The following C12orf56 variants were observed in gnomAD, a reference collection of about 807,000 sequenced individuals.
C12orf56 encodes uncharacterized protein C12orf56.
C12orf56 carries 71 observed loss-of-function variants against 69.9 expected under a neutral mutation model. That is an observed-to-expected ratio of 1.02 (90% CI 0.84 to 1.24). The LOEUF (loss-of-function observed/expected upper bound fraction) is 1.24, where lower values mean the gene tolerates loss of function less well. Ranked by LOEUF, C12orf56 falls within the 50% of genes most tolerant of loss-of-function variation. The pLI, the probability that C12orf56 is intolerant of heterozygous loss-of-function variation, is 0.00. For synonymous variants in C12orf56, 276 were observed against 274.1 expected, an observed-to-expected ratio of 1.01 and a Z score of -0.07; for missense variants, 732 against 738.5, an observed-to-expected ratio of 0.99 and a Z score of 0.10.
chr12:64,352,973 C>CA lies in C12orf56; in HGVS notation c.335dup (p.Leu112PhefsTer6). On this transcript the variant is annotated frameshift_variant, in exon 2 of 13. Transcript: ENST00000543942. LOFTEE classifies it high-confidence loss of function. ...TGTTTGACTTTTTACACTCTTTTTT[C>CA]AAAACGGTTGAAGAATAGATGATAC... 1 of 1,611,190 alleles carries CA rather than the reference C, an allele frequency of 6.2e-7. No homozygotes were observed. The highest frequency in any genetic ancestry group is 8.5e-7 in the Non-Finnish European group (1 of 1,179,088).
In C12orf56 at chr12:64,293,151, AG is replaced by A. The variant is rs1048613620; in HGVS notation, c.1114-7092del. On this transcript the variant is annotated intron_variant, in intron 6 of 12. Transcript: ENST00000543942. ...CGTCACCCCTTTCTTTGACTCGGAA[AG>A]GGAACTCCCTGACCCCTCGCGCTTC... 4.7e-4 allele frequency: 71 copies of A among 152,478 alleles called. 1 individual carries two copies. Among genetic ancestry groups the A allele is most frequent in the African/African-American group, 1.7e-3 (70 of 41,582 alleles). 9.4% of individuals were successfully genotyped at this position (152,478 alleles called of 1,614,324 possible).
At chr12:64,328,399 G>C (rs2038871643) in intron 3 of C12orf56, among the ~76,000 whole-genome samples, 1 of 151,818 alleles carries the variant, frequency 6.6e-6, no homozygotes. Flanking sequence ...ATCACACTTT[G>C]GCCAGGCACA....
intron 3 of C12orf56, 147 bp from the exon 4 acceptor site, chr12:64,319,127 A>G: frequency 1.4e-6 from 1 of 705,340 alleles, no homozygotes; most frequent in South Asian, 2.8e-5. Flanking sequence ...CTCGCTGGTA[A>G]TAACCCATTG....
intron 3 of C12orf56, among the ~76,000 whole-genome samples, chr12:64,327,844 A>G (rs1244289711): frequency 6.6e-6 from 1 of 152,228 alleles, no homozygotes; most frequent in Non-Finnish European, 1.5e-5. Flanking sequence ...TCTGACAGGA[A>G]CACATGAACT....
At chr12:64,383,737 T>A (rs968300597) in intron 1 of C12orf56, among the ~76,000 whole-genome samples, 1 of 151,544 alleles carries the variant, frequency 6.6e-6, no homozygotes, top group African/African-American at 2.4e-5. Context: ...AAAAAAAAAA[T>A]GATTAAAAAA....
chr12:64,345,785 T>TTA (rs1448382759), intron 2 of C12orf56, among the ~76,000 whole-genome samples: 7 of 152,246 alleles, frequency 4.6e-5, no homozygotes, highest in Non-Finnish European at 7.3e-5. Context: ...ACAAGCTTCA[T>TTA]TATGTTCCTT....
At chr12:64,321,440 G>A (rs1397493832) in intron 3 of C12orf56, among the ~76,000 whole-genome samples, 2 of 152,050 alleles carry the variant, frequency 1.3e-5, no homozygotes, top group Non-Finnish European at 2.9e-5. Flanking sequence ...CTCCCAAATT[G>A]CTGGGGTTAC....
Position 64,267,254 on chromosome 12 carries a change from G to T in C12orf56, c.1798C>A (p.Leu600Ile), listed in dbSNP as rs1158536296. ...TGAGTGATGGGGTAACACAATGGGAGCCTTTTCTGCAAGGCTGGCATGTGA... is the reference window on the plus strand; with the variant it reads ...TGAGTGATGGGGTAACACAATGGGATCCTTTTCTGCAAGGCTGGCATGTGA... ...FIHMPALQKR[L>I]PLCYPITQPT... Residue 600 changes from leucine to isoleucine, a missense_variant, in exon 13 of 13, where the codon CTC (leucine) becomes ATC (isoleucine). Transcript: ENST00000543942. The T allele has an allele frequency of 6.2e-7, 1 of 1,611,966 alleles. No individual in the cohort carries two copies. Among genetic ancestry groups the T allele is most frequent in the African/African-American group, 1.3e-5 (1 of 74,890 alleles).
intron 1 of C12orf56, among the ~76,000 whole-genome samples, chr12:64,358,482 A>AATAATCATCATCATCATCATC (rs11275269): frequency 0.18 from 22,165 of 124,882 alleles, 2,528 homozygotes; most frequent in Non-Finnish European, 0.24. Flanking sequence ...TAATAATAAT[A>AATAATCATCATCATCATCATC]ATCATCATCA....
At chr12:64,295,361 T>C (rs1228826163) in intron 6 of C12orf56, among the ~76,000 whole-genome samples, 38 of 152,114 alleles carry the variant, frequency 2.5e-4, no homozygotes, top group Admixed American at 2.5e-3. Flanking sequence ...GTTTAGTCAA[T>C]CTATGAAAAA....
At chr12:64,352,853 T>A (rs1261774709) in intron 2 of C12orf56, 41 bp downstream of exon 2, 1 of 1,518,590 alleles carries the variant, frequency 6.6e-7, no homozygotes, top group Non-Finnish European at 8.8e-7. Context: ...TATATACTTT[T>A]TTTTTTGCCT....
chr12:64,349,336 CA>C (rs2135947031), intron 2 of C12orf56, among the ~76,000 whole-genome samples: 1 of 152,244 alleles, frequency 6.6e-6, no homozygotes, highest in South Asian at 2.1e-4. Context: ...TTTACTTCTG[CA>C]AGAATGGCCA....
chr12:64,367,180 T>TTA (rs202112801), intron 1 of C12orf56, among the ~76,000 whole-genome samples: 4,556 of 6,478 alleles, frequency 0.7, 1,977 homozygotes, highest in Non-Finnish European at 0.81. Context: ...AGTTTATATA[T>TTA]TATATAACAT....
chr12:64,281,041 C>T (rs978710291), intron 8 of C12orf56, among the ~76,000 whole-genome samples: 5 of 150,376 alleles, frequency 3.3e-5, no homozygotes, highest in African/African-American at 7.4e-5. Context: ...GGGAGGCCGA[C>T]GGGGGGTGGA....
chr12:64,361,889 C>T lies in C12orf56; in HGVS notation c.253-8833G>A, dbSNP rs547084713. ...CTGGGATTACAGGCATGCGCCACCACGCCCAGCTAATTTTGTATTTTTAAT... is the reference window on the plus strand; with the variant it reads ...CTGGGATTACAGGCATGCGCCACCATGCCCAGCTAATTTTGTATTTTTAAT... On this transcript the variant is annotated intron_variant, in intron 1 of 12. Transcript: ENST00000543942. 4.6e-5 allele frequency among the ~76,000 whole-genome samples: 7 copies of T among 152,124 alleles called. No individual in the cohort carries two copies. In the South Asian group the frequency reaches 8.3e-4, roughly 18 times the overall value.
intron 9 of C12orf56, among the ~76,000 whole-genome samples, chr12:64,276,602 G>A (rs1404215059): frequency 6.6e-6 from 1 of 152,130 alleles, no homozygotes; most frequent in Non-Finnish European, 1.5e-5. Flanking sequence ...TCCCAGCAGA[G>A]TAGAAACTAA....
intron 1 of C12orf56, among the ~76,000 whole-genome samples, chr12:64,382,910 G>C (rs996629098): frequency 6.6e-6 from 1 of 151,270 alleles, no homozygotes; most frequent in Non-Finnish European, 1.5e-5. Context: ...GAGTGAAAGA[G>C]ATCCGACCTA....
chr12:64,356,170 CAAAAAAAAAAAAAAAAAAA>C (rs761289428), intron 1 of C12orf56, among the ~76,000 whole-genome samples: 1 of 48,432 alleles, frequency 2.1e-5, no homozygotes, highest in African/African-American at 9.4e-5. Flanking sequence ...GACTCCATCT[CAAAAAAAAAAAAAAAAAAA>C]AAAAAAAAAA....
In C12orf56 at chr12:64,315,964, C is replaced by T. The variant is rs143268603; in HGVS notation, c.894+2611G>A. On this transcript the variant is annotated intron_variant, in intron 4 of 12. Transcript: ENST00000543942. ...AAAAAAAAAAAGTGTTTATATTGAA[C>T]TAGTAGCTTATTGTTAGTAGAATGA... Among the ~76,000 whole-genome samples the T allele has an allele frequency of 5.3e-3, 796 of 149,732 alleles. 11 individuals are homozygous for T. Among genetic ancestry groups the T allele is most frequent in the African/African-American group, 0.019 (762 of 40,632 alleles).
Sources: gnomAD v4.1 joint callset for allele counts (sites outside exome capture counted in the v4.1 genomes callset) on GRCh38, gnomAD v4.1.1 for gene constraint, MANE v1.5 for transcripts, NCBI Gene and HGNC (gene_info 2026-07-23, HGNC 2026-07-21) for gene names.